Variants in IMPA1 observed in about 807,000 individuals in gnomAD.
The protein encoded by IMPA1 is inositol monophosphatase 1, also known as D-galactose 1-phosphate phosphatase.
IMPA1 carries 21 observed loss-of-function variants against 34.9 expected under a neutral mutation model. That is an observed-to-expected ratio of 0.60 (90% CI 0.43 to 0.87). The LOEUF (loss-of-function observed/expected upper bound fraction) is 0.87. IMPA1 is among the 40% of genes least tolerant of loss of function. IMPA1 has a pLI of 0.00. For synonymous variants in IMPA1, 95 were observed against 104.4 expected (o/e 0.91, Z 0.55); for missense variants, 299 against 336.4 (o/e 0.89, Z 0.87).
intron 1 of IMPA1, 165 bp downstream of exon 1, chr8:81,686,087 G>C (rs1807515885): frequency 1.1e-6 from 1 of 933,860 alleles, no homozygotes; most frequent in Admixed American, 4.0e-5. Context: ...GCCCAGGGCA[G>C]CTCCGGATAA....
intron 7 of IMPA1, among the ~76,000 whole-genome samples, chr8:81,662,700 T>A (rs1806713317): frequency 6.6e-6 from 1 of 152,210 alleles, no homozygotes; most frequent in South Asian, 2.1e-4. Context: ...TTTAGACAAA[T>A]GTACTAATGA....
intron 5 of IMPA1, chr8:81,674,315 T>A (rs1325965834): frequency 5.2e-6 from 1 of 193,604 alleles, no homozygotes; most frequent in Non-Finnish European, 1.1e-5. Flanking sequence ...TCTCTTGGAT[T>A]TTTCTTCTTA....
At chr8:81,671,663 G>C (rs372702849) in intron 6 of IMPA1, among the ~76,000 whole-genome samples, 6 of 151,960 alleles carry the variant, frequency 3.9e-5, no homozygotes, top group Non-Finnish European at 8.8e-5. Flanking sequence ...TTTGGGAGGC[G>C]GAGGCAGGCA....
intron 6 of IMPA1, among the ~76,000 whole-genome samples, chr8:81,671,845 C>T (rs541034313): frequency 1.1e-4 from 17 of 152,100 alleles, no homozygotes; most frequent in Admixed American, 6.5e-4. Flanking sequence ...TGCAGTGATC[C>T]GAGATCACGC....
chr8:81,680,527 C>T (rs1428208683), intron 3 of IMPA1, 123 bp downstream of exon 3: 7 of 711,510 alleles, frequency 9.8e-6, no homozygotes, highest in Non-Finnish European at 1.6e-5. Context: ...CCTTGACCAA[C>T]ACTTTGACTG....
chr8:81,664,225 T>G (rs1252587778), intron 7 of IMPA1, among the ~76,000 whole-genome samples: 2 of 152,138 alleles, frequency 1.3e-5, no homozygotes, highest in Non-Finnish European at 2.9e-5. Context: ...AATAATAGCA[T>G]GACGATTTTG....
At position 81,660,585 on chromosome 8, in the gene IMPA1, G is replaced by A. The variant is rs1269285808; in HGVS notation, c.649C>T (p.His217Tyr). Residue 217 changes from histidine (H) to tyrosine (Y), a missense_variant, in exon 8 of 9, where the codon CAC becomes TAC. His to Tyr is a moderately conservative substitution (Grantham distance 83). Coordinates refer to ENST00000256108, the MANE Select transcript of IMPA1 (RefSeq NM_005536.4). ...GADAYYEMGI[H>Y]CWDVAGAGII... ...CCAGCTCCTGCAACATCCCAGCAGT[G>A]AATTCCCATTTCATAATATGCATCT... 3.1e-6 allele frequency: 5 copies of A among 1,613,668 alleles called. No homozygotes were observed. Among genetic ancestry groups the A allele is most frequent in the Non-Finnish European group, 3.4e-6 (4 of 1,179,708 alleles).
chr8:81,679,272 T>C (rs1361043459), intron 3 of IMPA1, 42 bp from the exon 4 acceptor site: 2 of 1,226,684 alleles, frequency 1.6e-6, no homozygotes, highest in Non-Finnish European at 1.2e-6. Flanking sequence ...TTACACTGAT[T>C]TCAACAATTT....
chr8:81,674,735 G>T, intron 5 of IMPA1: 2 of 429,914 alleles, frequency 4.7e-6, no homozygotes, highest in South Asian at 1.7e-5. Context: ...TTCCCTTTTA[G>T]CTCTCCATAT....
At chr8:81,685,865 CT>C in intron 1 of IMPA1, 5 of 1,549,512 alleles carry the variant, frequency 3.2e-6, no homozygotes, top group Non-Finnish European at 4.4e-6. Context: ...TTTTTGCCAC[CT>C]GTCCCAGCAC....
intron 2 of IMPA1, 38 bp downstream of exon 2, chr8:81,681,460 T>G: frequency 1.8e-6 from 2 of 1,124,970 alleles, no homozygotes; most frequent in Non-Finnish European, 2.7e-6. Context: ...ACCAATCACA[T>G]TATAATTGAT....
intron 4 of IMPA1, among the ~76,000 whole-genome samples, chr8:81,676,642 G>GT (rs1276488664): frequency 3.9e-5 from 6 of 152,124 alleles, no homozygotes; most frequent in Non-Finnish European, 5.9e-5. Flanking sequence ...TTTGCACTGC[G>GT]TTTTCTATCT....
intron 5 of IMPA1, chr8:81,674,734 A>G: frequency 2.3e-6 from 1 of 432,896 alleles, no homozygotes; most frequent in Admixed American, 2.6e-5. Context: ...TTTCCCTTTT[A>G]GCTCTCCATA....
Position 81,658,442 on chromosome 8 carries a change from A to G in IMPA1, c.*909T>C, listed in dbSNP as rs1806578129. ...GTATATTTGCCAGCACAATCAAATCAGTATAAACACCTTTAAAACATGAAT... is the reference window on the plus strand; with the variant it reads ...GTATATTTGCCAGCACAATCAAATCGGTATAAACACCTTTAAAACATGAAT... On this transcript the variant is annotated 3_prime_UTR_variant, in exon 9 of 9. Transcript: ENST00000256108. The G allele has an allele frequency of 6.6e-6, 1 of 152,350 alleles. No homozygotes were observed. The highest frequency in any genetic ancestry group is 6.5e-5 in the Admixed American group (1 of 15,282). 9.4% of individuals were successfully genotyped at this position (152,350 alleles called of 1,614,324 possible).
At chr8:81,685,082 T>C (rs1479725976) in intron 1 of IMPA1, among the ~76,000 whole-genome samples, 5 of 136,332 alleles carry the variant, frequency 3.7e-5, no homozygotes, top group Non-Finnish European at 7.6e-5. Flanking sequence ...ATATATACTA[T>C]AAATAAGTAT....
At chr8:81,685,787 A>G in intron 1 of IMPA1, 1 of 1,547,226 alleles carries the variant, frequency 6.5e-7, no homozygotes, top group Admixed American at 2.0e-5. Context: ...AGCCATAAAC[A>G]CCTGAACTGT....
intron 5 of IMPA1, 77 bp downstream of exon 5, chr8:81,676,157 A>G (rs1020275484): frequency 1.2e-5 from 7 of 584,442 alleles, no homozygotes; most frequent in Non-Finnish European, 2.0e-5. Context: ...ACCTGAATTT[A>G]TTATGAAAAC....
At chr8:81,669,004 T>C (rs1806913562) in intron 7 of IMPA1, among the ~76,000 whole-genome samples, 1 of 152,186 alleles carries the variant, frequency 6.6e-6, no homozygotes, top group African/African-American at 2.4e-5. Context: ...ATGTTAGCAG[T>C]ATGATACTAA....
chr8:81,671,156 T>C, intron 6 of IMPA1, 109 bp from the exon 7 acceptor site: 1 of 511,640 alleles, frequency 2.0e-6, no homozygotes, highest in Non-Finnish European at 3.4e-6. Context: ...TCGTGTTTCT[T>C]TATAAGCATT....
Sources: gnomAD v4.1 joint callset for allele counts (sites outside exome capture counted in the v4.1 genomes callset) on GRCh38, gnomAD v4.1.1 for gene constraint, MANE v1.5 for transcripts, NCBI Gene and HGNC (gene_info 2026-07-23, HGNC 2026-07-21) for gene names.